Variants in DDR2 observed in about 807,000 individuals in gnomAD.
DDR2 encodes discoidin domain receptor tyrosine kinase 2.
A neutral mutation model predicts 94.9 loss-of-function variants in DDR2; 27 were observed. The ratio of observed to expected loss-of-function variants is 0.28; its 90% CI spans 0.21 to 0.39. DDR2 has a LOEUF of 0.39. DDR2 is among the 10% of genes least tolerant of loss of function. DDR2 has a pLI of 1.00. For missense variants in DDR2, 783 were observed against 1,076.0 expected (o/e 0.73, Z 3.81); for synonymous variants, 382 against 377.2 (o/e 1.01, Z -0.15).
intron 3 of DDR2, among the ~76,000 whole-genome samples, chr1:162,746,170 C>T (rs1662852228): frequency 6.6e-6 from 1 of 152,188 alleles, no homozygotes; most frequent in Admixed American, 6.5e-5. Context: ...CAGGGTGGGG[C>T]ATCGCCTCAC....
At chr1:162,772,988 G>C (rs918673168) in intron 13 of DDR2, among the ~76,000 whole-genome samples, 10 of 152,094 alleles carry the variant, frequency 6.6e-5, no homozygotes, top group Admixed American at 6.5e-4. Context: ...ATCTGTTCAT[G>C]GTGTGACATG....
intron 2 of DDR2, among the ~76,000 whole-genome samples, chr1:162,695,084 A>T (rs907052971): frequency 6.6e-6 from 1 of 152,212 alleles, no homozygotes; most frequent in African/African-American, 2.4e-5. Flanking sequence ...CTAAAAAAAA[A>T]ATTTTGAATT....
intron 3 of DDR2, among the ~76,000 whole-genome samples, chr1:162,745,925 A>T (rs1662836844): frequency 6.6e-6 from 1 of 151,924 alleles, no homozygotes; most frequent in Admixed American, 6.6e-5. Context: ...TTTTTTTCTT[A>T]CAATGGTTTC....
chr1:162,718,854 G>A lies in DDR2; in HGVS notation c.-27-183G>A, dbSNP rs150571782. Among the ~76,000 whole-genome samples, 334 of 152,240 alleles carry A rather than the reference G, an allele frequency of 2.2e-3. 3 individuals are homozygous for A. Among genetic ancestry groups the A allele is most frequent in the African/African-American group, 7.7e-3 (319 of 41,530 alleles). On this transcript the variant is annotated intron_variant, in intron 2 of 17. Transcript: ENST00000367921. The stretch of plus-strand genomic sequence containing the variant: ...ATAGAGTTTGAAAATTATTATATTA[G>A]GTGATTATTGGATGTGCCATTCAAC...
chr1:162,771,905 T>C (rs1265528916), intron 12 of DDR2, 119 bp from the exon 13 acceptor site: 7 of 1,041,830 alleles, frequency 6.7e-6, no homozygotes, highest in Non-Finnish European at 1.0e-5. Flanking sequence ...AGTAAGAATG[T>C]CATGAAGCAG....
chr1:162,736,102 G>T (rs536518561), intron 3 of DDR2, among the ~76,000 whole-genome samples: 2 of 152,224 alleles, frequency 1.3e-5, no homozygotes, highest in Non-Finnish European at 2.9e-5. Context: ...TGGCTCCAGA[G>T]CCTGGCTACA....
intron 9 of DDR2, among the ~76,000 whole-genome samples, chr1:162,762,735 G>A (rs1410783250): frequency 6.6e-6 from 1 of 152,090 alleles, no homozygotes; most frequent in African/African-American, 2.4e-5. Flanking sequence ...CCTCAATAAT[G>A]TCTAATTAAT....
rs189067324 is a variant in DDR2, at chr1:162,754,296, G to A, written c.186-328G>A. On this transcript the variant is annotated intron_variant, in intron 4 of 17. Transcript: ENST00000367921. ...GTTAGGCTGAGTTTGAAAGAGGGAAGGGAAATATGAAATGACTCATGCGGG... is the reference window on the plus strand; with the variant it reads ...GTTAGGCTGAGTTTGAAAGAGGGAAAGGAAATATGAAATGACTCATGCGGG... Among the ~76,000 whole-genome samples, 19 of 152,292 alleles carry A rather than the reference G, an allele frequency of 1.2e-4. No homozygotes were observed. In the East Asian group the frequency reaches 3.5e-3, roughly 28 times the overall value.
chr1:162,659,779 T>C (rs987445899), intron 2 of DDR2, among the ~76,000 whole-genome samples: 7 of 152,206 alleles, frequency 4.6e-5, no homozygotes, highest in Non-Finnish European at 8.8e-5. Flanking sequence ...TATATATGCA[T>C]GAGACACTTG....
chr1:162,706,327 A>G (rs1660659071), intron 2 of DDR2, among the ~76,000 whole-genome samples: 1 of 152,224 alleles, frequency 6.6e-6, no homozygotes, highest in Non-Finnish European at 1.5e-5. Flanking sequence ...AAGCCTAGCC[A>G]GGGAGACAGA....
intron 2 of DDR2, among the ~76,000 whole-genome samples, chr1:162,656,849 T>TTTTTTTTTTTC (rs1658002579): frequency 8.1e-6 from 1 of 122,850 alleles, no homozygotes; most frequent in Non-Finnish European, 1.7e-5. Context: ...TTTTTTTTTT[T>TTTTTTTTTTTC]ATTTTTTTTG....
At chr1:162,712,908 C>T (rs901077460) in intron 2 of DDR2, among the ~76,000 whole-genome samples, 3 of 152,184 alleles carry the variant, frequency 2.0e-5, no homozygotes, top group Middle Eastern at 3.4e-3. Context: ...GATCCTTGAC[C>T]TTCAATGACT....
intron 2 of DDR2, among the ~76,000 whole-genome samples, chr1:162,667,316 CTG>C (rs1444769954): frequency 2.6e-5 from 4 of 152,174 alleles, no homozygotes; most frequent in Non-Finnish European, 5.9e-5. Flanking sequence ...AATTGTTATT[CTG>C]TGTTACAGAT....
rs145619550 is a variant in DDR2, at chr1:162,632,619, C to A, written c.-204C>A. On this transcript the variant is annotated 5_prime_UTR_variant, in exon 1 of 18. Transcript: ENST00000367921. ...GTTTTCTTCTTTCCAAAACTGTGCA[C>A]CCCTGGATGAAAGTAAGTTATGTGG... 1 of 152,186 alleles carries A rather than the reference C, an allele frequency of 6.6e-6. No homozygotes were observed. The highest frequency in any genetic ancestry group is 1.9e-4 in the East Asian group (1 of 5,200). The allele number at this position is 152,186 out of a possible 1,614,324, so 9.4% of individuals were successfully genotyped here.
chr1:162,718,897 C>A, intron 2 of DDR2, 140 bp from the exon 3 acceptor site: 1 of 769,828 alleles, frequency 1.3e-6, no homozygotes, highest in Non-Finnish European at 2.2e-6. Flanking sequence ...GTCTGTGATT[C>A]GAAGTCCCAT....
At chr1:162,646,962 C>T (rs917703714) in intron 1 of DDR2, among the ~76,000 whole-genome samples, 1 of 152,128 alleles carries the variant, frequency 6.6e-6, no homozygotes, top group African/African-American at 2.4e-5. Flanking sequence ...ATCCTTGTAC[C>T]TCAAGGACTC....
At chr1:162,699,838 T>C (rs1317751041) in intron 2 of DDR2, among the ~76,000 whole-genome samples, 1 of 152,190 alleles carries the variant, frequency 6.6e-6, no homozygotes, top group Non-Finnish European at 1.5e-5. Context: ...TACAGTAAAA[T>C]TCTTAGACAT....
At position 162,650,992 on chromosome 1, in the gene DDR2, G is replaced by C. The variant is rs1472423126; in HGVS notation, c.-191-4219G>C. 3.3e-5 allele frequency among the ~76,000 whole-genome samples: 5 copies of C among 152,274 alleles called. No homozygotes were observed. The East Asian group carries it at 7.7e-4, about 24-fold the overall frequency. The stretch of plus-strand genomic sequence containing the variant: ...GATCCACCTGCCTTGGCCTCCCAAA[G>C]TGCTGGGATTACAGGCATGAACCAC... On this transcript the variant is annotated intron_variant, in intron 1 of 17. Transcript: ENST00000367921.
chr1:162,654,432 C>A (rs1454296680), intron 1 of DDR2, among the ~76,000 whole-genome samples: 3 of 152,138 alleles, frequency 2.0e-5, no homozygotes, highest in African/African-American at 7.2e-5. Context: ...GGCAACAAAG[C>A]AACACCCTGT....
Sources: allele counts gnomAD v4.1 joint callset (sites outside exome capture counted in the v4.1 genomes callset), GRCh38; gene constraint gnomAD v4.1.1; transcripts MANE v1.5; gene names NCBI Gene and HGNC (gene_info 2026-07-23, HGNC 2026-07-21).